The following IZUMO2 variants were observed in gnomAD, a reference collection of about 807,000 sequenced individuals.
IZUMO2 encodes IZUMO family member 2.
In IZUMO2, 24 loss-of-function variants were observed where a neutral mutation model predicts 31.2. That is an observed-to-expected ratio of 0.77 (90% CI 0.56 to 1.08). The LOEUF (loss-of-function observed/expected upper bound fraction) is 1.08. IZUMO2 is among the 50% of genes least tolerant of loss of function. The probability of loss-of-function intolerance (pLI) is 0.00; values close to 1 mark genes in which losing one functional copy is unlikely to be tolerated. For synonymous variants in IZUMO2, 144 were observed against 117.3 expected (o/e 1.23, Z -1.47); for missense variants, 278 against 274.0 (o/e 1.01, Z -0.10).
intron 5 of IZUMO2, 96 bp downstream of exon 5, chr19:50,158,172 G>A: frequency 1.5e-6 from 1 of 687,936 alleles, no homozygotes; most frequent in Non-Finnish European, 2.5e-6. Flanking sequence ...ATTCGAGGCT[G>A]CATGTGGGAG....
chr19:50,154,274 T>TTTTTG lies in IZUMO2; in HGVS notation c.623+325_623+326insCAAAA, dbSNP rs2030133248. On this transcript the variant is annotated intron_variant, in intron 6 of 6. Coordinates refer to ENST00000293405, the MANE Select transcript of IZUMO2 (RefSeq NM_152358.3). ...AATATAACTTTTAGCGTTTTTTTTT[T>TTTTTG]TTTTTTTTTTTTTTTTTTTTTTTAA... Among the ~76,000 whole-genome samples, 2 of 125,488 alleles carry TTTTTG rather than the reference T, an allele frequency of 1.6e-5. 1 individual carries two copies. The allele number at this position is 125,488 out of a possible 152,430, so 82.3% of individuals were successfully genotyped here.
At position 50,159,679 on chromosome 19, in the gene IZUMO2, A is replaced by C. The variant is rs913472614; in HGVS notation, c.308-99T>G. 1.5e-5 allele frequency: 11 copies of C among 738,312 alleles called. No homozygotes were observed. In the African/African-American group the frequency reaches 2.0e-4, roughly 13 times the overall value. The allele number at this position is 738,312 out of a possible 1,614,324, so 45.7% of individuals were successfully genotyped here. On this transcript the variant is annotated intron_variant, in intron 2 of 6. Coordinates refer to ENST00000293405, the MANE Select transcript of IZUMO2 (RefSeq NM_152358.3). ...AGAAGAGATGAGGAAGCTCCTCTTC[A>C]TTTATAAAGGGTAACCAAGACCAGG...
chr19:50,159,388 G>C (rs577875525), intron 3 of IZUMO2, 106 bp downstream of exon 3: 1 of 1,229,552 alleles, frequency 8.1e-7, no homozygotes, highest in South Asian at 1.3e-5. Flanking sequence ...GAAGAAGGCT[G>C]AGCTATAGGG....
intron 5 of IZUMO2, among the ~76,000 whole-genome samples, chr19:50,157,302 CTTTTT>C (rs59138628): frequency 9.2e-6 from 1 of 108,794 alleles, no homozygotes. Flanking sequence ...ATTCATTATA[CTTTTT>C]TTTTTTTTTT....
intron 5 of IZUMO2, among the ~76,000 whole-genome samples, chr19:50,157,032 T>C (rs2030232962): frequency 6.6e-6 from 1 of 152,196 alleles, no homozygotes; most frequent in Non-Finnish European, 1.5e-5. Flanking sequence ...ATGCTATGTA[T>C]GGGGCATGGT....
chr19:50,159,373 G>C, intron 3 of IZUMO2, 121 bp downstream of exon 3: 1 of 1,276,006 alleles, frequency 7.8e-7, no homozygotes, highest in Non-Finnish European at 1.1e-6. Context: ...AGATTGGGGA[G>C]AGATGAAGAA....
chr19:50,154,712 G>A lies in IZUMO2; in HGVS notation c.511C>T (p.Arg171Cys), dbSNP rs200853476. ...TCCATCTGGTACTGCAGGGCCACGC[G>A]GGGTTGCCGGTCGACTGGGGCGGGT... ...KKYCFVDRQP[R>C]VALQYQMDSK... Residue 171 changes from arginine to cysteine, a missense_variant, in exon 6 of 7, where the codon CGC becomes TGC. Transcript: ENST00000293405. The A allele has an allele frequency of 3.7e-3, 5,964 of 1,613,884 alleles. 19 individuals carry two copies. The highest frequency in any genetic ancestry group is 4.6e-3 in the Non-Finnish European group (5,471 of 1,179,934).
chr19:50,154,112 C>T (rs1021053131), intron 6 of IZUMO2, among the ~76,000 whole-genome samples: 15 of 150,472 alleles, frequency 1.0e-4, no homozygotes, highest in African/African-American at 3.7e-4. Flanking sequence ...GCCTGGGGTC[C>T]ATGGAAATGT....
In IZUMO2 at chr19:50,154,264, GTTTTTTTT is replaced by G. The variant is rs71180675; in HGVS notation, c.623+328_623+335del. On this transcript the variant is annotated intron_variant, in intron 6 of 6. Coordinates refer to ENST00000293405, the MANE Select transcript of IZUMO2 (RefSeq NM_152358.3). Reference sequence around the variant, plus strand: ...GCATCCACCAAATATAACTTTTAGCGTTTTTTTTTTTTTTTTTTTTTTTTTTTTTTTTT... The same window carrying G: ...GCATCCACCAAATATAACTTTTAGCGTTTTTTTTTTTTTTTTTTTTTTTTT... Among the ~76,000 whole-genome samples, 11 of 79,284 alleles carry G rather than the reference GTTTTTTTT, an allele frequency of 1.4e-4. 1 individual carries two copies. Among genetic ancestry groups the G allele is most frequent in the African/African-American group, 3.2e-4 (7 of 21,614 alleles). The allele number at this position is 79,284 out of a possible 152,430, so 52.0% of individuals were successfully genotyped here.
intron 5 of IZUMO2, 38 bp downstream of exon 5, chr19:50,158,230 C>T (rs988623047): frequency 9.4e-6 from 13 of 1,377,436 alleles, no homozygotes; most frequent in South Asian, 3.6e-5. Context: ...ATCTCTTGCA[C>T]GCCTGTCCCA....
intron 5 of IZUMO2, among the ~76,000 whole-genome samples, chr19:50,157,974 C>T (rs1410089825): frequency 6.6e-6 from 1 of 151,508 alleles, no homozygotes; most frequent in East Asian, 1.9e-4. Context: ...GTGAATTCAG[C>T]ACATCCTTCC....
rs183891340 is a variant in IZUMO2, at chr19:50,163,026, G to A, written c.169C>T (p.Leu57=). ...AAGAAAGGCCCCTCCATGCCCATCA[G>A]CACGGCCCCGGCGCGCGCCTGCAGC... is the stretch of plus-strand genomic sequence containing the variant. ...EQLQARAGAV[L]MGMEGPFFRD... The change falls in exon 1 of 7, where the codon CTG becomes TTG. Residue 57 remains leucine, a synonymous_variant. Transcript: ENST00000293405. 46 of 1,612,610 alleles carry A rather than the reference G, an allele frequency of 2.9e-5. 1 individual carries two copies. In the East Asian group the frequency reaches 5.8e-4, roughly 20 times the overall value.
At chr19:50,155,061 G>C (rs2030169177) in intron 5 of IZUMO2, among the ~76,000 whole-genome samples, 1 of 152,154 alleles carries the variant, frequency 6.6e-6, no homozygotes, top group Non-Finnish European at 1.5e-5. Context: ...CATTTGATGG[G>C]ATGGGGTGGG....
At position 50,159,229 on chromosome 19, in the gene IZUMO2, C is replaced by T. The variant is rs768213269; in HGVS notation, c.415+1G>A. 81 of 1,610,626 alleles carry T rather than the reference C, an allele frequency of 5.0e-5. No individual in the cohort carries two copies. The highest frequency in any genetic ancestry group is 2.4e-4 in the Admixed American group (14 of 59,522). ...GGAGAGATAGACGATCCAGAACTCA[C>T]GGCAAAGTTTGGGGTTGCAGGCTGC... On this transcript the variant is annotated splice_donor_variant, in intron 4 of 6. Transcript: ENST00000293405. LOFTEE classifies it high-confidence loss of function.
At chr19:50,159,626 G>A (rs748167556) in intron 2 of IZUMO2, 46 bp from the exon 3 acceptor site, 49 of 1,170,822 alleles carry the variant, frequency 4.2e-5, no homozygotes, top group Admixed American at 1.1e-4. Context: ...CACCCAGAAA[G>A]CCCACCCCAC....
intron 5 of IZUMO2, 44 bp downstream of exon 5, chr19:50,158,224 C>T (rs1263296927): frequency 7.6e-7 from 1 of 1,320,372 alleles, no homozygotes. Flanking sequence ...GTCTTCATCT[C>T]TTGCACGCCT....
intron 6 of IZUMO2, among the ~76,000 whole-genome samples, chr19:50,154,267 T>G (rs1372748962): frequency 1.2e-5 from 1 of 86,444 alleles, no homozygotes; most frequent in Non-Finnish European, 2.7e-5. Context: ...TTTTAGCGTT[T>G]TTTTTTTTTT....
chr19:50,159,933 G>A (rs913374735), intron 2 of IZUMO2: 6 of 157,808 alleles, frequency 3.8e-5, no homozygotes, highest in South Asian at 1.8e-4. Flanking sequence ...CTGCAACCTC[G>A]GCCTCCCAAG....
At chr19:50,155,871 T>A (rs949580623) in intron 5 of IZUMO2, among the ~76,000 whole-genome samples, 3 of 152,224 alleles carry the variant, frequency 2.0e-5, no homozygotes, top group African/African-American at 7.2e-5. Flanking sequence ...CCGGCCATTG[T>A]TCTAGCCACC....
Sources: gnomAD v4.1 joint callset for allele counts (sites outside exome capture counted in the v4.1 genomes callset) on GRCh38, gnomAD v4.1.1 for gene constraint, MANE v1.5 for transcripts, NCBI Gene and HGNC (gene_info 2026-07-23, HGNC 2026-07-21) for gene names.